GRM6: variants seen among roughly 807,000 people sequenced by gnomAD.
The protein encoded by GRM6 is glutamate metabotropic receptor 6.
A neutral mutation model predicts 78.4 loss-of-function variants in GRM6; 73 were observed. The ratio of observed to expected loss-of-function variants is 0.93; its 90% CI spans 0.77 to 1.13. GRM6 has a LOEUF of 1.13. Ranked by LOEUF, GRM6 falls within the 50% of genes most tolerant of loss-of-function variation. The pLI is 0.00. For missense variants in GRM6, 1,251 were observed against 1,256.4 expected, an observed-to-expected ratio of 1.00 and a Z score of 0.07; for synonymous variants, 580 against 555.0, an observed-to-expected ratio of 1.05 and a Z score of -0.63.
Position 178,985,657 on chromosome 5 carries a change from A to C in GRM6, c.2124+473T>G, listed in dbSNP as rs189243348. On this transcript the variant is annotated intron_variant, in intron 9 of 10. Coordinates refer to ENST00000517717, the MANE Select transcript of GRM6 (RefSeq NM_000843.4). ...GGCAGAGCTTGCAGGGAGCTGAGATAGTGCCACTGCACTCCAGCCTGGGCG... is the reference window on the plus strand; with the variant it reads ...GGCAGAGCTTGCAGGGAGCTGAGATCGTGCCACTGCACTCCAGCCTGGGCG... The C allele has an allele frequency of 4.0e-3, 1,556 of 390,422 alleles. 16 individuals are homozygous for C. Among genetic ancestry groups the C allele is most frequent in the South Asian group, 8.7e-3 (457 of 52,798 alleles). The allele number at this position is 390,422 out of a possible 1,614,324, so 24.2% of individuals were successfully genotyped here.
In GRM6 at chr5:178,986,747, C is replaced by T; in HGVS notation, c.1507G>A (p.Ala503Thr). The change falls in exon 9 of 11, where the codon GCC becomes ACC. Residue 503 changes from alanine (A) to threonine (T), a missense_variant. By Grantham distance (58) the Ala-to-Thr change is moderately conservative. Coordinates refer to ENST00000517717, the MANE Select transcript of GRM6 (RefSeq NM_000843.4). ...TGGGGGTCGCCAGACCACTGCAGGGCCTCCACCTGGGACGCACAAAACACA... is the reference window on the plus strand; with the variant it reads ...TGGGGGTCGCCAGACCACTGCAGGGTCTCCACCTGGGACGCACAAAACACA... ...WAETLRLDVEALQWSGDPHEV... is the reference protein window; with the variant it reads ...WAETLRLDVETLQWSGDPHEV... 2 of 1,607,654 alleles carry T rather than the reference C, an allele frequency of 1.2e-6. No individual in the cohort carries two copies. The highest frequency in any genetic ancestry group is 2.2e-5 in the South Asian group (2 of 91,046).
At chr5:178,983,265 C>T (rs774551866) in intron 9 of GRM6, 44 bp from the exon 10 acceptor site, 19 of 1,543,184 alleles carry the variant, frequency 1.2e-5, no homozygotes, top group Non-Finnish European at 1.7e-5. Flanking sequence ...TTTCCAGGGA[C>T]AAATCCATTC....
intron 4 of GRM6, 151 bp from the exon 5 acceptor site, chr5:178,990,897 A>G (rs1760657827): frequency 3.0e-6 from 2 of 676,572 alleles, no homozygotes; most frequent in Non-Finnish European, 5.0e-6. Flanking sequence ...CATTTAGGGC[A>G]CCTTCCCTGG....
Position 178,986,748 on chromosome 5 carries a change from C to T in GRM6, c.1506G>A (p.Glu502=), listed in dbSNP as rs1760568559. The T allele has an allele frequency of 2.1e-5, 33 of 1,607,752 alleles. No individual in the cohort carries two copies. The highest frequency in any genetic ancestry group is 2.7e-5 in the African/African-American group (2 of 74,934). ...GGGGGTCGCCAGACCACTGCAGGGCCTCCACCTGGGACGCACAAAACACAG... is the reference window on the plus strand; with the variant it reads ...GGGGGTCGCCAGACCACTGCAGGGCTTCCACCTGGGACGCACAAAACACAG... The part of the protein sequence containing the change: ...QWAETLRLDV[E]ALQWSGDPHE... The change falls in exon 9 of 11, where the codon GAG becomes GAA. Residue 502 remains glutamate (E), a synonymous_variant. Coordinates refer to ENST00000517717, the MANE Select transcript of GRM6 (RefSeq NM_000843.4).
chr5:178,994,539 G>A lies in GRM6; in HGVS notation c.406C>T (p.Pro136Ser). 8.7e-6 allele frequency: 12 copies of A among 1,373,008 alleles called. No individual in the cohort carries two copies. The highest frequency in any genetic ancestry group is 1.1e-5 in the Non-Finnish European group (12 of 1,070,374). The allele number at this position is 1,373,008 out of a possible 1,614,324, so 85.1% of individuals were successfully genotyped here. Reference protein sequence around the residue: ...VGVRCPGGVPPLRPAPPERVV... With the variant: ...VGVRCPGGVPSLRPAPPERVV... Reference sequence around the variant, plus strand: ...CGCTCGGGGGGCGCGGGGCGCAGCGGAGGGACGCCTCCCGGGCAGCGCACG... The same window carrying A: ...CGCTCGGGGGGCGCGGGGCGCAGCGAAGGGACGCCTCCCGGGCAGCGCACG... Residue 136 changes from proline (P) to serine (S), a missense_variant, in exon 2 of 11, where the codon CCG (proline) becomes TCG (serine). By Grantham distance (74) the Pro-to-Ser change is moderately conservative. Coordinates refer to ENST00000517717, the MANE Select transcript of GRM6 (RefSeq NM_000843.4).
In GRM6 at chr5:178,991,644, T is replaced by G. The variant is rs780900961; in HGVS notation, c.722-85A>C. The G allele has an allele frequency of 6.9e-7, 1 of 1,455,554 alleles. No individual in the cohort carries two copies. The highest frequency in any genetic ancestry group is 1.7e-5 in the Admixed American group (1 of 58,556). The allele number at this position is 1,455,554 out of a possible 1,614,324, so 90.2% of individuals were successfully genotyped here. A position where few individuals can be genotyped will look rare whatever the true frequency, so the allele number is the denominator to read the frequency against. ...CACCGCTGCAGAGGACTGTGTAGGC[T>G]GGCTGAAGGGTCTGCAGGGGTGAAG... On this transcript the variant is annotated intron_variant, in intron 3 of 10. Transcript: ENST00000517717. The surrounding 1 kb of genome is among the most constrained non-coding windows in gnomAD (Gnocchi z 5.0).
In GRM6 at chr5:178,991,276, G is replaced by A. The variant is rs1760665634; in HGVS notation, c.857+148C>T. On this transcript the variant is annotated intron_variant, in intron 4 of 10. Transcript: ENST00000517717. The surrounding 1 kb of genome is among the most constrained non-coding windows in gnomAD (Gnocchi z 5.0). The stretch of plus-strand genomic sequence containing the variant: ...AGGCTGCTTCTGAGCCTGGGCACCA[G>A]ACTCAGAGGCAGCAGCAGGGAAGGT... The A allele has an allele frequency of 6.0e-6, 5 of 839,348 alleles. No individual in the cohort carries two copies. Among genetic ancestry groups the A allele is most frequent in the East Asian group, 2.4e-5 (1 of 41,224 alleles). The allele number at this position is 839,348 out of a possible 1,614,324, so 52.0% of individuals were successfully genotyped here. A position where few individuals can be genotyped will look rare whatever the true frequency, so the allele number is the denominator to read the frequency against.
At position 178,981,416 on chromosome 5, in the gene GRM6, T is replaced by G; in HGVS notation, c.*241A>C. The G allele has an allele frequency of 1.9e-6, 1 of 521,576 alleles. No homozygotes were observed. The highest frequency in any genetic ancestry group is 3.5e-6 in the Non-Finnish European group (1 of 289,020). The allele number at this position is 521,576 out of a possible 1,614,324, so 32.3% of individuals were successfully genotyped here. On this transcript the variant is annotated 3_prime_UTR_variant, in exon 11 of 11. Coordinates refer to ENST00000517717, the MANE Select transcript of GRM6 (RefSeq NM_000843.4). This position sits in a 1 kb window ranked among gnomAD's most constrained non-coding sequence, Gnocchi z 5.1. ...CTAGAGCTAGAACCTTCTCGGTGGC[T>G]GTTTCCCACCATGGGAAGCGAGTCT...
chr5:178,984,018 A>G (rs61565874), intron 9 of GRM6, among the ~76,000 whole-genome samples: 7,500 of 152,282 alleles, frequency 0.049, 236 homozygotes, highest in East Asian at 0.15. Context: ...GATGCTTTGC[A>G]GTCATCTGCC....
At chr5:178,982,755 T>G in intron 10 of GRM6, 155 bp downstream of exon 10, 1 of 628,388 alleles carries the variant, frequency 1.6e-6, no homozygotes, top group Non-Finnish European at 2.9e-6. Context: ...CTTGGAAAAG[T>G]GAATGAATGA....
intron 7 of GRM6, chr5:178,987,535 T>A (rs1302203743): frequency 4.6e-6 from 2 of 436,512 alleles, no homozygotes; most frequent in Admixed American, 4.9e-5. Context: ...GAGGACATGA[T>A]GCTCGGTGAA....
rs980246178 is a variant in GRM6, at chr5:178,988,339, G to T, written c.1354+596C>A. 6.6e-6 allele frequency among the ~76,000 whole-genome samples: 1 copy of T among 152,204 alleles called. No individual in the cohort carries two copies. The highest frequency in any genetic ancestry group is 2.4e-5 in the African/African-American group (1 of 41,454). On this transcript the variant is annotated intron_variant, in intron 7 of 10. Coordinates refer to ENST00000517717, the MANE Select transcript of GRM6 (RefSeq NM_000843.4). This position sits in a 1 kb window ranked among gnomAD's most constrained non-coding sequence, Gnocchi z 6.0. ...TAGCAGAGAGCATGGCGGAGAGAAGGTGGTGAGTGAGTGTTCAGTGGAAGA... is the reference window on the plus strand; with the variant it reads ...TAGCAGAGAGCATGGCGGAGAGAAGTTGGTGAGTGAGTGTTCAGTGGAAGA...
At position 178,986,393 on chromosome 5, in the gene GRM6, G is replaced by C; in HGVS notation, c.1861C>G (p.Arg621Gly). 3 of 1,613,908 alleles carry C rather than the reference G, an allele frequency of 1.9e-6. No individual in the cohort carries two copies. The highest frequency in any genetic ancestry group is 2.2e-5 in the East Asian group (1 of 44,864). Residue 621 changes from arginine to glycine, a missense_variant, in exon 9 of 11, where the codon CGA becomes GGA. Physicochemically the swap from Arg to Gly is moderately radical, Grantham distance 125. Coordinates refer to ENST00000517717, the MANE Select transcript of GRM6 (RefSeq NM_000843.4). ...GTGAGGAGGACGTAGCTGAGCTCTC[G>C]GCCCGAGGCCCGGACGATGGGCGTG... is the stretch of plus-strand genomic sequence containing the variant. ...NNTPIVRASG[R>G]ELSYVLLTGI...
At chr5:178,985,710 A>AAC (rs1554113571) in intron 9 of GRM6, 1 of 417,748 alleles carries the variant, frequency 2.4e-6, no homozygotes, top group Non-Finnish European at 4.7e-6. Context: ...CTAAAAAAAA[A>AAC]AAAACAAAAC....
At chr5:178,990,911 T>C (rs779026468) in intron 4 of GRM6, 165 bp from the exon 5 acceptor site, 64 of 640,972 alleles carry the variant, frequency 1.0e-4, no homozygotes, top group Non-Finnish European at 2.4e-5. Context: ...TCCCTGGGCT[T>C]TCCTCTGACC....
At chr5:178,990,790 C>G in intron 4 of GRM6, 44 bp from the exon 5 acceptor site, 1 of 1,509,498 alleles carries the variant, frequency 6.6e-7, no homozygotes, top group African/African-American at 1.4e-5. Flanking sequence ...TGGGAGCCTC[C>G]TCCAGCTCGG....
Position 178,992,701 on chromosome 5 carries a change from G to A in GRM6, c.505-618C>T, listed in dbSNP as rs961453994. ...ACGGGGCTGAGAAGGCCGCCAAGAG[G>A]GGGCTATGGGGCTCCAGCGCAAGAG... On this transcript the variant is annotated intron_variant, in intron 2 of 10. Coordinates refer to ENST00000517717, the MANE Select transcript of GRM6 (RefSeq NM_000843.4). This position sits in a 1 kb window ranked among gnomAD's most constrained non-coding sequence, Gnocchi z 4.9. Among the ~76,000 whole-genome samples, 2 of 152,158 alleles carry A rather than the reference G, an allele frequency of 1.3e-5. No homozygotes were observed. Among genetic ancestry groups the A allele is most frequent in the Non-Finnish European group, 2.9e-5 (2 of 68,020 alleles).
rs1437187571 is a variant in GRM6 at position 178,988,523 on chromosome 5, G to A, written c.1354+412C>T. Among the ~76,000 whole-genome samples, 2 of 152,188 alleles carry A rather than the reference G, an allele frequency of 1.3e-5. No homozygotes were observed. The highest frequency in any genetic ancestry group is 3.9e-4 in the East Asian group (2 of 5,190). On this transcript the variant is annotated intron_variant, in intron 7 of 10. Transcript: ENST00000517717. This position sits in a 1 kb window ranked among gnomAD's most constrained non-coding sequence, Gnocchi z 6.0. ...GTGCCAAGGGACAGGTCAGACCCACGCCTGTGCCTGGCGCATGACTCAGAG... is the reference window on the plus strand; with the variant it reads ...GTGCCAAGGGACAGGTCAGACCCACACCTGTGCCTGGCGCATGACTCAGAG...
rs370512677 is a variant in GRM6 at position 178,991,590 on chromosome 5, C to T, written c.722-31G>A. The T allele has an allele frequency of 3.5e-5, 57 of 1,612,544 alleles. No homozygotes were observed. The highest frequency in any genetic ancestry group is 3.0e-4 in the South Asian group (27 of 91,038). On this transcript the variant is annotated intron_variant, in intron 3 of 10. Coordinates refer to ENST00000517717, the MANE Select transcript of GRM6 (RefSeq NM_000843.4). This position sits in a 1 kb window ranked among gnomAD's most constrained non-coding sequence, Gnocchi z 5.0. Reference sequence around the variant, plus strand: ...CGTTGGGGGTGCCAGAGTCAGCTTCCGTCCCACCCACCCACACACCCACCT... The same window carrying T: ...CGTTGGGGGTGCCAGAGTCAGCTTCTGTCCCACCCACCCACACACCCACCT...
Sources: gnomAD v4.1 joint callset for allele counts (sites outside exome capture counted in the v4.1 genomes callset) on GRCh38, gnomAD v4.1.1 for gene constraint, Gnocchi (gnomAD v3.1) non-coding constraint, MANE v1.5 for transcripts, NCBI Gene and HGNC (gene_info 2026-07-23, HGNC 2026-07-21) for gene names.